The following SEZ6L variants were observed in gnomAD, a reference collection of about 807,000 sequenced individuals.
SEZ6L encodes seizure 6-like protein.
Under a neutral mutation model 106.2 loss-of-function variants are expected in SEZ6L, and 37 were observed. The observed-to-expected ratio is 0.35, with a 90% CI of 0.27 to 0.46. SEZ6L has a LOEUF of 0.46. Among genes scored for constraint, SEZ6L ranks in the 20% least tolerant of loss-of-function variants. The probability of loss-of-function intolerance (pLI) is 1.00; values close to 1 mark genes in which losing one functional copy is unlikely to be tolerated. For synonymous variants in SEZ6L, 541 were observed against 570.4 expected, an observed-to-expected ratio of 0.95 and a Z score of 0.73; for missense variants, 1,172 against 1,332.8, an observed-to-expected ratio of 0.88 and a Z score of 1.88.
At chr22:26,200,589 G>A (rs372617163) in intron 1 of SEZ6L, among the ~76,000 whole-genome samples, 5 of 152,164 alleles carry the variant, frequency 3.3e-5, no homozygotes, top group South Asian at 2.1e-4. Context: ...GATGAGGAAC[G>A]CAATGTGGTG....
intron 12 of SEZ6L, among the ~76,000 whole-genome samples, chr22:26,363,631 G>A (rs1163811033): frequency 4.6e-5 from 7 of 152,198 alleles, no homozygotes; most frequent in Non-Finnish European, 4.4e-5. Context: ...GATTCATCGT[G>A]CAAAATGAGA....
At chr22:26,306,731 T>C (rs2081643712) in intron 6 of SEZ6L, among the ~76,000 whole-genome samples, 1 of 152,246 alleles carries the variant, frequency 6.6e-6, no homozygotes, top group South Asian at 2.1e-4. Flanking sequence ...TTTGGGGATC[T>C]TATTCTAGAA....
intron 4 of SEZ6L, 33 bp downstream of exon 4, chr22:26,297,113 C>A (rs184217334): frequency 6.6e-7 from 1 of 1,513,040 alleles, no homozygotes; most frequent in East Asian, 2.4e-5. Flanking sequence ...GAAACATAGG[C>A]GTTTGCCTCA....
At chr22:26,313,658 C>A in intron 8 of SEZ6L, 106 bp from the exon 9 acceptor site, 2 of 1,375,064 alleles carry the variant, frequency 1.5e-6, no homozygotes, top group South Asian at 1.3e-5. Flanking sequence ...CCACAGTACA[C>A]AGAGATTCAC....
At chr22:26,358,290 T>C (rs1393540445) in intron 12 of SEZ6L, among the ~76,000 whole-genome samples, 1 of 152,200 alleles carries the variant, frequency 6.6e-6, no homozygotes, top group Non-Finnish European at 1.5e-5. Context: ...ACGTCCAGGT[T>C]TGTACCCCAG....
At chr22:26,293,218 G>A (rs978931293) in intron 2 of SEZ6L, 72 bp downstream of exon 2, 1 of 1,442,360 alleles carries the variant, frequency 6.9e-7, no homozygotes, top group East Asian at 2.5e-5. Flanking sequence ...GGGCATGTGG[G>A]TAGAGGAATC....
chr22:26,297,050 G>A lies in SEZ6L; in HGVS notation c.1132G>A (p.Gly378Ser), dbSNP rs746856153. 11 of 1,613,610 alleles carry A rather than the reference G, an allele frequency of 6.8e-6. No individual in the cohort carries two copies. In the East Asian group the frequency reaches 1.6e-4, roughly 23 times the overall value. ...SVYFRTFQDD[G>S]LGTFQLHYQA... ...CTACTTCCGGACCTTCCAGGACGAC[G>A]GCCTTGGGACCTTCCAGCTTCACTA... is the stretch of plus-strand genomic sequence containing the variant. The change falls in exon 4 of 17, where the codon GGC becomes AGC. Residue 378 changes from glycine (G) to serine (S), a missense_variant. Physicochemically the swap from Gly to Ser is moderately conservative, Grantham distance 56 (BLOSUM62 0). Coordinates refer to ENST00000248933, the MANE Select transcript of SEZ6L (RefSeq NM_021115.5).
intron 9 of SEZ6L, among the ~76,000 whole-genome samples, chr22:26,327,038 G>A (rs2082327113): frequency 6.6e-6 from 1 of 152,130 alleles, no homozygotes; most frequent in South Asian, 2.1e-4. Context: ...CTTTCGCCAG[G>A]GGAGGCCTTC....
chr22:26,179,347 C>A (rs1172478208), intron 1 of SEZ6L, among the ~76,000 whole-genome samples: 1 of 152,178 alleles, frequency 6.6e-6, no homozygotes, highest in African/African-American at 2.4e-5. Context: ...GCTATGACTG[C>A]ACCACTGCAC....
intron 1 of SEZ6L, among the ~76,000 whole-genome samples, chr22:26,247,946 C>T (rs967422068): frequency 1.3e-5 from 2 of 152,192 alleles, no homozygotes; most frequent in African/African-American, 4.8e-5. Flanking sequence ...CCTGGGCTGT[C>T]TCCTTGATGT....
At chr22:26,198,298 A>C (rs548903103) in intron 1 of SEZ6L, among the ~76,000 whole-genome samples, 1 of 152,248 alleles carries the variant, frequency 6.6e-6, no homozygotes, top group Non-Finnish European at 1.5e-5. Flanking sequence ...CCAATATCTA[A>C]TGGATAATAC....
chr22:26,305,942 C>T (rs1234453676), intron 5 of SEZ6L, 37 bp from the exon 6 acceptor site: 3 of 1,509,402 alleles, frequency 2.0e-6, no homozygotes, highest in Admixed American at 1.7e-5. Flanking sequence ...TCCCTCTCTG[C>T]TCTCTCCCAT....
chr22:26,251,089 A>G (rs931691924), intron 1 of SEZ6L, among the ~76,000 whole-genome samples: 14 of 152,198 alleles, frequency 9.2e-5, no homozygotes, highest in African/African-American at 3.1e-4. Flanking sequence ...TTTCCTAAAT[A>G]TAAGATCATG....
chr22:26,377,924 A>T, intron 16 of SEZ6L, 149 bp downstream of exon 16: 3 of 627,256 alleles, frequency 4.8e-6, no homozygotes, highest in Non-Finnish European at 8.6e-6. Flanking sequence ...TAAAGAGATA[A>T]ATGCTGGGAG....
intron 12 of SEZ6L, among the ~76,000 whole-genome samples, chr22:26,355,789 G>A (rs1440846581): frequency 6.6e-6 from 1 of 152,188 alleles, no homozygotes; most frequent in African/African-American, 2.4e-5. Flanking sequence ...GTTGTCTACA[G>A]CCTCTTGCCC....
chr22:26,181,253 A>C (rs1038876486), intron 1 of SEZ6L, among the ~76,000 whole-genome samples: 15 of 152,202 alleles, frequency 9.9e-5, no homozygotes, highest in Non-Finnish European at 1.6e-4. Flanking sequence ...ATGCCACCAA[A>C]CTATGAATCA....
At chr22:26,334,278 C>T (rs1470704595) in intron 9 of SEZ6L, among the ~76,000 whole-genome samples, 1 of 152,112 alleles carries the variant, frequency 6.6e-6, no homozygotes, top group Non-Finnish European at 1.5e-5. Context: ...AATTGTTCCG[C>T]ATTCTTCTCC....
intron 9 of SEZ6L, among the ~76,000 whole-genome samples, 189 bp downstream of exon 9, chr22:26,314,091 C>A (rs942001102): frequency 4.2e-5 from 6 of 142,352 alleles, no homozygotes; most frequent in Non-Finnish European, 6.0e-5. Context: ...CACACACACA[C>A]ACACAGAGAG....
chr22:26,279,284 G>A (rs1010770890), intron 1 of SEZ6L, among the ~76,000 whole-genome samples: 2 of 152,106 alleles, frequency 1.3e-5, no homozygotes, highest in East Asian at 1.9e-4. Flanking sequence ...CTCCTCCCAC[G>A]GAGGGTGAAC....
Sources: gnomAD v4.1 joint callset for allele counts (sites outside exome capture counted in the v4.1 genomes callset) on GRCh38, gnomAD v4.1.1 for gene constraint, MANE v1.5 for transcripts, NCBI Gene and HGNC (gene_info 2026-07-23, HGNC 2026-07-21) for gene names.